The following ABTB3 variants were observed in gnomAD, a reference collection of about 807,000 sequenced individuals.
ABTB3 encodes ankyrin repeat and BTB domain containing 3.
At chr12:107,405,981 C>G in the ABTB3 span, among the ~76,000 whole-genome samples, 1 of 152,184 alleles carries the variant, frequency 6.6e-6, no homozygotes, top group African/African-American at 2.4e-5. Context: ...TTTCTCCCCT[C>G]TAGTTTGTTT....
At chr12:107,430,043 T>G in the ABTB3 span, among the ~76,000 whole-genome samples, 1 of 152,262 alleles carries the variant, frequency 6.6e-6, no homozygotes. Flanking sequence ...TTCTGGTCTG[T>G]TTTCTATGCT....
At chr12:107,319,323 C>T in the ABTB3 span, 10 of 1,546,498 alleles carry the variant, frequency 6.5e-6, no homozygotes, top group Non-Finnish European at 7.8e-6. Context: ...CCCAAGGACG[C>T]GCTGGCCAAG....
the ABTB3 span, among the ~76,000 whole-genome samples, chr12:107,563,131 A>G: frequency 6.6e-6 from 1 of 152,176 alleles, no homozygotes; most frequent in Non-Finnish European, 1.5e-5. Context: ...AATCTTAATT[A>G]TGTGAAATTC....
the ABTB3 span, among the ~76,000 whole-genome samples, chr12:107,639,588 TG>T: frequency 1.3e-5 from 2 of 152,174 alleles, no homozygotes; most frequent in Non-Finnish European, 2.9e-5. Flanking sequence ...ACAGAAGTGC[TG>T]AGCTGAGGAC....
At chr12:107,559,752 T>C in the ABTB3 span, among the ~76,000 whole-genome samples, 1 of 152,200 alleles carries the variant, frequency 6.6e-6, no homozygotes, top group Non-Finnish European at 1.5e-5. Flanking sequence ...TACAGTTCCC[T>C]GGATTTTTAT....
the ABTB3 span, among the ~76,000 whole-genome samples, chr12:107,461,030 A>G: frequency 2.0e-5 from 3 of 152,172 alleles, no homozygotes; most frequent in African/African-American, 7.2e-5. Flanking sequence ...ACAGTTCCTC[A>G]GGGCTGGGGA....
the ABTB3 span, among the ~76,000 whole-genome samples, chr12:107,496,024 G>A: frequency 6.6e-6 from 1 of 152,102 alleles, no homozygotes; most frequent in Non-Finnish European, 1.5e-5. Flanking sequence ...TACTATTATT[G>A]CCCCATGACT....
At chr12:107,504,862 T>A in the ABTB3 span, among the ~76,000 whole-genome samples, 1 of 152,226 alleles carries the variant, frequency 6.6e-6, no homozygotes, top group Non-Finnish European at 1.5e-5. Context: ...CTCCATTTCT[T>A]CCAGCCCCCT....
At chr12:107,629,514 C>T in the ABTB3 span, among the ~76,000 whole-genome samples, 3 of 152,312 alleles carry the variant, frequency 2.0e-5, no homozygotes, top group Admixed American at 2.0e-4. Flanking sequence ...TCCATGTGCA[C>T]ATCTAGAATT....
chr12:107,384,686 T>A, the ABTB3 span, among the ~76,000 whole-genome samples: 1 of 152,054 alleles, frequency 6.6e-6, no homozygotes, highest in Non-Finnish European at 1.5e-5. Flanking sequence ...GGGGGTCAGG[T>A]CTTTGTACCC....
At chr12:107,646,927 G>A in the ABTB3 span, among the ~76,000 whole-genome samples, 1 of 152,144 alleles carries the variant, frequency 6.6e-6, no homozygotes, top group African/African-American at 2.4e-5. Context: ...GTGGACAGAA[G>A]AAGGGGAGGG....
At chr12:107,641,303 A>G in the ABTB3 span, among the ~76,000 whole-genome samples, 1 of 152,170 alleles carries the variant, frequency 6.6e-6, no homozygotes, top group African/African-American at 2.4e-5. Context: ...TATTGTACCA[A>G]TGTTATATTC....
the ABTB3 span, among the ~76,000 whole-genome samples, chr12:107,360,705 A>C: frequency 6.6e-6 from 1 of 152,286 alleles, no homozygotes; most frequent in Admixed American, 6.5e-5. Flanking sequence ...GCAACAAGCG[A>C]AGGTTGTGCT....
chr12:107,508,602 G>A, the ABTB3 span, among the ~76,000 whole-genome samples: 2 of 151,636 alleles, frequency 1.3e-5, no homozygotes, highest in South Asian at 2.1e-4. Context: ...CTACAGGCAT[G>A]TGCCACCATG....
At chr12:107,457,413 T>G in the ABTB3 span, among the ~76,000 whole-genome samples, 1 of 152,244 alleles carries the variant, frequency 6.6e-6, no homozygotes, top group Non-Finnish European at 1.5e-5. Flanking sequence ...CGAAGTTTTA[T>G]TAACTGTCAC....
chr12:107,339,384 G>A, the ABTB3 span, among the ~76,000 whole-genome samples: 1 of 152,220 alleles, frequency 6.6e-6, no homozygotes, highest in African/African-American at 2.4e-5. Context: ...TGAGAGACAT[G>A]CCTCTAGACA....
At chr12:107,531,173 G>A in the ABTB3 span, among the ~76,000 whole-genome samples, 2 of 152,192 alleles carry the variant, frequency 1.3e-5, no homozygotes, top group Non-Finnish European at 2.9e-5. Flanking sequence ...GTGCATTGCA[G>A]CATGTTTAGC....
the ABTB3 span, among the ~76,000 whole-genome samples, chr12:107,332,955 G>C: frequency 1.3e-5 from 2 of 152,350 alleles, no homozygotes; most frequent in Non-Finnish European, 2.9e-5. Context: ...AGCTGTGCCT[G>C]TTGCTTAGGC....
the ABTB3 span, among the ~76,000 whole-genome samples, chr12:107,621,302 C>T: frequency 3.3e-5 from 5 of 152,086 alleles, no homozygotes; most frequent in East Asian, 1.9e-4. Flanking sequence ...TAACAAGCTT[C>T]GGTGAGTCCG....
Sources: allele counts gnomAD v4.1 joint callset (sites outside exome capture counted in the v4.1 genomes callset), GRCh38; gene constraint gnomAD v4.1.1; transcripts MANE v1.5; gene names NCBI Gene and HGNC (gene_info 2026-07-23, HGNC 2026-07-21).